The following NUBPL variants were observed in gnomAD, a reference collection of about 807,000 sequenced individuals.
NUBPL encodes the protein NUBP iron-sulfur cluster assembly factor, mitochondrial.
In NUBPL, 31 loss-of-function variants were observed where a neutral mutation model predicts 45.7. The ratio of observed to expected loss-of-function variants is 0.68; its 90% CI spans 0.51 to 0.92. The LOEUF is 0.92. Ranked by LOEUF, NUBPL falls within the 40% of genes least tolerant of loss-of-function variation. The pLI is 0.00. For missense variants in NUBPL, 401 were observed against 398.7 expected, an observed-to-expected ratio of 1.01 and a Z score of -0.05; for synonymous variants, 144 against 140.9, an observed-to-expected ratio of 1.02 and a Z score of -0.15.
intron 8 of NUBPL, chr14:31,843,686 C>G (rs1367983103): frequency 6.6e-6 from 1 of 152,156 alleles, no homozygotes; most frequent in African/African-American, 2.4e-5. Flanking sequence ...GAGACATGTG[C>G]TCCCTACTTC....
intron 4 of NUBPL, among the ~76,000 whole-genome samples, chr14:31,658,556 A>G (rs2036195677): frequency 6.6e-6 from 1 of 151,440 alleles, no homozygotes; most frequent in South Asian, 2.1e-4. Context: ...TCTGTCACCC[A>G]GGCTGGAGTG....
intron 7 of NUBPL, among the ~76,000 whole-genome samples, chr14:31,802,569 C>T (rs1334113355): frequency 6.6e-6 from 1 of 152,198 alleles, no homozygotes; most frequent in African/African-American, 2.4e-5. Context: ...AGCCACCGTA[C>T]CTGGCCGCCC....
chr14:31,660,190 T>C (rs2036235430), intron 4 of NUBPL, among the ~76,000 whole-genome samples: 1 of 152,198 alleles, frequency 6.6e-6, no homozygotes. Flanking sequence ...GGCTCAAGTT[T>C]TGAGTTTTGA....
intron 4 of NUBPL, among the ~76,000 whole-genome samples, chr14:31,665,617 T>G (rs2036389368): frequency 6.6e-6 from 1 of 152,188 alleles, no homozygotes; most frequent in Non-Finnish European, 1.5e-5. Context: ...ATTTCCATTA[T>G]TTTGCATTTG....
At position 31,826,715 on chromosome 14, in the gene NUBPL, G is replaced by A. The variant is rs751631278; in HGVS notation, c.693+1G>A. 2.9e-5 allele frequency: 47 copies of A among 1,613,132 alleles called. No homozygotes were observed. Among genetic ancestry groups the A allele is most frequent in the Non-Finnish European group, 3.6e-5 (42 of 1,179,198 alleles). On this transcript the variant is annotated splice_donor_variant, in intron 8 of 10. Coordinates refer to ENST00000281081, the MANE Select transcript of NUBPL (RefSeq NM_025152.3). LOFTEE classifies it high-confidence loss of function. ...GATGTTTCGCAGAGTCCACGTGCCC[G>A]TAAGCGTTTACAGCTTCACTGTGAA...
chr14:31,672,922 A>T (rs1156606948), intron 4 of NUBPL, among the ~76,000 whole-genome samples: 1 of 152,182 alleles, frequency 6.6e-6, no homozygotes, highest in African/African-American at 2.4e-5. Context: ...GCCTATTTGT[A>T]TTTCCAGTTT....
chr14:31,753,972 C>T (rs928504294), intron 6 of NUBPL, among the ~76,000 whole-genome samples: 20 of 152,200 alleles, frequency 1.3e-4, no homozygotes, highest in Admixed American at 1.2e-3. Context: ...AATGTTCTCT[C>T]TACAAAAAAT....
At chr14:31,666,237 A>ATC in intron 4 of NUBPL, among the ~76,000 whole-genome samples, 1 of 17,584 alleles carries the variant, frequency 5.7e-5, no homozygotes, top group Non-Finnish European at 1.1e-4. Flanking sequence ...AGATATATAT[A>ATC]TATATATATA....
intron 6 of NUBPL, among the ~76,000 whole-genome samples, chr14:31,679,302 A>G (rs2036773545): frequency 6.6e-6 from 1 of 151,904 alleles, no homozygotes; most frequent in Admixed American, 6.6e-5. Flanking sequence ...ATGTGTGTAG[A>G]GAGTTGTTAA....
At chr14:31,827,079 C>T (rs576246394) in intron 8 of NUBPL, among the ~76,000 whole-genome samples, 1 of 152,176 alleles carries the variant, frequency 6.6e-6, no homozygotes, top group African/African-American at 2.4e-5. Context: ...TTACTTTTTT[C>T]CTTCTGCCTC....
intron 6 of NUBPL, among the ~76,000 whole-genome samples, chr14:31,747,822 ATTCT>A (rs1324202126): frequency 6.6e-6 from 1 of 151,036 alleles, no homozygotes; most frequent in East Asian, 2.0e-4. Flanking sequence ...TCTAATCTTT[ATTCT>A]TTCTTTCCTT....
intron 8 of NUBPL, among the ~76,000 whole-genome samples, chr14:31,827,494 C>T (rs1303799754): frequency 6.6e-6 from 1 of 152,052 alleles, no homozygotes; most frequent in Non-Finnish European, 1.5e-5. Context: ...AGGGTTCTTC[C>T]TTCTAGTGTG....
chr14:31,804,927 G>T (rs1366234424), intron 7 of NUBPL, among the ~76,000 whole-genome samples: 1 of 152,034 alleles, frequency 6.6e-6, no homozygotes, highest in Non-Finnish European at 1.5e-5. Context: ...AGCAAAAATT[G>T]GCAAAAGGGA....
Position 31,708,617 on chromosome 14 carries a change from G to T in NUBPL, c.513+35043G>T, listed in dbSNP as rs572475972. Among the ~76,000 whole-genome samples, 20 of 152,348 alleles carry T rather than the reference G, an allele frequency of 1.3e-4. No individual in the cohort carries two copies. The East Asian group carries it at 3.1e-3, about 24-fold the overall frequency. On this transcript the variant is annotated intron_variant, in intron 6 of 10. Transcript: ENST00000281081. ...AGGCTGTCCCAGGATTCCTCAGATG[G>T]TAATGGACCTTGAGGACAGTCGTCC...
chr14:31,590,412 G>C (rs2034111586), intron 3 of NUBPL, among the ~76,000 whole-genome samples: 1 of 152,094 alleles, frequency 6.6e-6, no homozygotes, highest in African/African-American at 2.4e-5. Context: ...GTGTTGGAAG[G>C]GTCATTGAGG....
At chr14:31,564,951 GAT>G in intron 2 of NUBPL, 61 bp from the exon 3 acceptor site, 1 of 847,528 alleles carries the variant, frequency 1.2e-6, no homozygotes, top group Non-Finnish European at 1.9e-6. Flanking sequence ...AATATTAAAA[GAT>G]AAAATGAATT....
intron 6 of NUBPL, among the ~76,000 whole-genome samples, chr14:31,778,353 T>A (rs1276598660): frequency 6.6e-6 from 1 of 152,132 alleles, no homozygotes; most frequent in Admixed American, 6.5e-5. Flanking sequence ...ATGTGGTTTC[T>A]CCTGACTGGA....
intron 1 of NUBPL, chr14:31,561,854 C>A (rs1399792121): frequency 1.5e-5 from 9 of 606,948 alleles, no homozygotes; most frequent in Non-Finnish European, 2.3e-5. Context: ...CATTTTTAAA[C>A]GTTCAGCGTA....
At chr14:31,847,074 G>A (rs2040465343) in intron 9 of NUBPL, among the ~76,000 whole-genome samples, 1 of 152,074 alleles carries the variant, frequency 6.6e-6, no homozygotes, top group South Asian at 2.1e-4. Flanking sequence ...TTTTTGAATA[G>A]GTTTGTTCTG....
Sources: allele counts gnomAD v4.1 joint callset (sites outside exome capture counted in the v4.1 genomes callset), GRCh38; gene constraint gnomAD v4.1.1; transcripts MANE v1.5; gene names NCBI Gene and HGNC (gene_info 2026-07-23, HGNC 2026-07-21).